The following SNX29 variants were observed in gnomAD, a reference collection of about 807,000 sequenced individuals.
SNX29 encodes sorting nexin-29.
A neutral mutation model predicts 102.1 loss-of-function variants in SNX29; 78 were observed. That is an observed-to-expected ratio of 0.76 (90% CI 0.64 to 0.92). The LOEUF (loss-of-function observed/expected upper bound fraction) is 0.92. Ranked by LOEUF, SNX29 falls within the 40% of genes least tolerant of loss-of-function variation. SNX29 has a pLI of 0.00. For synonymous variants in SNX29, 580 were observed against 414.5 expected (o/e 1.40, Z -4.85); for missense variants, 1,280 against 1,061.7 (o/e 1.21, Z -2.86).
chr16:12,534,273 C>G (rs1187325306), intron 20 of SNX29, among the ~76,000 whole-genome samples: 1 of 152,234 alleles, frequency 6.6e-6, no homozygotes, highest in African/African-American at 2.4e-5. Context: ...CGCCGGCACA[C>G]CTGCCGTCTT....
rs778760789 is a variant in SNX29 at position 12,568,497 on chromosome 16, C to G, written c.2319-9C>G. On this transcript the variant is annotated splice_polypyrimidine_tract_variant and intron_variant, in intron 20 of 20. Transcript: ENST00000566228. ...CAGACTTAACCCGATTCTCTCCCTG[C>G]TCTTTCAGCGACATCACCCCGCCCG... 2 of 1,609,434 alleles carry G rather than the reference C, an allele frequency of 1.2e-6. No individual in the cohort carries two copies. The highest frequency in any genetic ancestry group is 3.3e-5 in the Admixed American group (2 of 60,010).
intron 15 of SNX29, among the ~76,000 whole-genome samples, chr16:12,287,821 C>T (rs2079648151): frequency 6.6e-6 from 1 of 152,208 alleles, no homozygotes. Flanking sequence ...CTCCCTGCCT[C>T]TCCCTTTCTT....
intron 7 of SNX29, among the ~76,000 whole-genome samples, chr16:12,048,845 A>C (rs1187871641): frequency 6.6e-6 from 1 of 152,174 alleles, no homozygotes; most frequent in African/African-American, 2.4e-5. Context: ...GCTCAACCAT[A>C]GCAAACGGAA....
At chr16:12,060,787 C>G (rs761330343) in intron 8 of SNX29, 5 of 456,194 alleles carry the variant, frequency 1.1e-5, no homozygotes, top group South Asian at 6.2e-5. Flanking sequence ...ACAAACCCAA[C>G]CACACTGCCT....
intron 11 of SNX29, among the ~76,000 whole-genome samples, chr16:12,116,773 A>G (rs1596948972): frequency 6.6e-6 from 1 of 152,342 alleles, no homozygotes; most frequent in East Asian, 1.9e-4. Context: ...AACCGTGGAA[A>G]CAGGCTTAGT....
At chr16:12,334,889 C>T (rs1412234862) in intron 15 of SNX29, among the ~76,000 whole-genome samples, 1 of 131,754 alleles carries the variant, frequency 7.6e-6, no homozygotes, top group Non-Finnish European at 1.6e-5. Context: ...TTTAAGTTAT[C>T]AGCCCCAGAG....
rs554767867 is a variant in SNX29, at chr16:12,390,240, C to G, written c.1900-8206C>G. Among the ~76,000 whole-genome samples, 7 of 152,128 alleles carry G rather than the reference C, an allele frequency of 4.6e-5. No individual in the cohort carries two copies. In the East Asian group the frequency reaches 1.4e-3, roughly 29 times the overall value. On this transcript the variant is annotated intron_variant, in intron 16 of 20. Transcript: ENST00000566228. ...TGGCAGTTTGCCTCTTGCCTCCCAT[C>G]TCTGCTCTGCAGCCAGAGTGACTGA...
At chr16:12,168,416 G>C (rs560710911) in intron 13 of SNX29, among the ~76,000 whole-genome samples, 5 of 152,344 alleles carry the variant, frequency 3.3e-5, no homozygotes, top group African/African-American at 1.2e-4. Flanking sequence ...ATGGCAAGCT[G>C]AATGGTTGCT....
At position 12,519,218 on chromosome 16, in the gene SNX29, TCA is replaced by T. The variant is rs559282570; in HGVS notation, c.2179-5481_2179-5480del. On this transcript the variant is annotated intron_variant, in intron 19 of 20. Transcript: ENST00000566228. ...AGGCCATACAAAACATACCTGTGGGTCACAGTTAGTCTGTGGACCTCCGTGAA... is the reference window on the plus strand; with the variant it reads ...AGGCCATACAAAACATACCTGTGGGTCAGTTAGTCTGTGGACCTCCGTGAA... Among the ~76,000 whole-genome samples, 97 of 152,238 alleles carry T rather than the reference TCA, an allele frequency of 6.4e-4. 2 individuals are homozygous for T. The South Asian group carries it at 0.02, about 31-fold the overall frequency.
intron 15 of SNX29, among the ~76,000 whole-genome samples, chr16:12,292,982 T>C (rs2151069484): frequency 6.6e-6 from 1 of 152,364 alleles, no homozygotes; most frequent in East Asian, 1.9e-4. Flanking sequence ...AGTAGTTCAC[T>C]CTTATTAATG....
chr16:12,356,297 C>A lies in SNX29; in HGVS notation c.1899+18C>A, dbSNP rs148276577. ...GGGGACCGGTGAGTGTTTCCCCAACCCTGTGTGTCTGTCAAGCCTCTGCTG... is the reference window on the plus strand; with the variant it reads ...GGGGACCGGTGAGTGTTTCCCCAACACTGTGTGTCTGTCAAGCCTCTGCTG... On this transcript the variant is annotated intron_variant, in intron 16 of 20. Coordinates refer to ENST00000566228, the MANE Select transcript of SNX29 (RefSeq NM_032167.5). 2.6e-5 allele frequency: 41 copies of A among 1,576,476 alleles called. No homozygotes were observed. The highest frequency in any genetic ancestry group is 2.6e-6 in the Non-Finnish European group (3 of 1,160,838).
At chr16:12,540,022 T>A (rs551867640) in intron 20 of SNX29, among the ~76,000 whole-genome samples, 1 of 152,240 alleles carries the variant, frequency 6.6e-6, no homozygotes, top group Non-Finnish European at 1.5e-5. Context: ...ATGACACCTT[T>A]TTAATTTTGA....
At chr16:12,477,689 G>T in intron 18 of SNX29, 30 bp from the exon 19 acceptor site, 4 of 1,603,138 alleles carry the variant, frequency 2.5e-6, no homozygotes, top group Non-Finnish European at 3.4e-6. Flanking sequence ...AAGGGTTTAA[G>T]AGGAATTCAC....
intron 20 of SNX29, among the ~76,000 whole-genome samples, chr16:12,529,528 T>A (rs1179122902): frequency 2.6e-5 from 4 of 152,108 alleles, no homozygotes; most frequent in African/African-American, 9.7e-5. Flanking sequence ...TTCTGCAGAG[T>A]AATTTAACTT....
chr16:12,135,213 T>A (rs528324903), intron 13 of SNX29, among the ~76,000 whole-genome samples: 114 of 152,212 alleles, frequency 7.5e-4, no homozygotes, highest in Middle Eastern at 3.2e-3. Flanking sequence ...TCCAGAAACA[T>A]CATCACAGGC....
chr16:12,540,414 C>T (rs1173192656), intron 20 of SNX29, among the ~76,000 whole-genome samples: 2 of 152,206 alleles, frequency 1.3e-5, no homozygotes, highest in African/African-American at 2.4e-5. Context: ...CTAAAAACTA[C>T]AGATTTATTC....
chr16:12,559,449 C>T lies in SNX29; in HGVS notation c.2319-9057C>T, dbSNP rs181630898. On this transcript the variant is annotated intron_variant, in intron 20 of 20. Coordinates refer to ENST00000566228, the MANE Select transcript of SNX29 (RefSeq NM_032167.5). ...AACAAGCTCAGGGCTCCCAATGATTCTACATTATGGTGAGTTGTGTAATTT... is the reference window on the plus strand; with the variant it reads ...AACAAGCTCAGGGCTCCCAATGATTTTACATTATGGTGAGTTGTGTAATTT... 6.6e-5 allele frequency among the ~76,000 whole-genome samples: 10 copies of T among 151,578 alleles called. No homozygotes were observed. In the East Asian group the frequency reaches 1.2e-3, roughly 18 times the overall value.
intron 3 of SNX29, among the ~76,000 whole-genome samples, chr16:12,015,203 G>T (rs2056805304): frequency 6.6e-6 from 1 of 151,258 alleles, no homozygotes; most frequent in African/African-American, 2.4e-5. Flanking sequence ...TTTTTATCTT[G>T]GTACTCCTGC....
At chr16:12,147,416 G>T (rs1228823104) in intron 13 of SNX29, among the ~76,000 whole-genome samples, 2 of 152,164 alleles carry the variant, frequency 1.3e-5, no homozygotes, top group African/African-American at 4.8e-5. Flanking sequence ...CACCGGGGAG[G>T]GAAATGCTTT....
Sources: allele counts gnomAD v4.1 joint callset (sites outside exome capture counted in the v4.1 genomes callset), GRCh38; gene constraint gnomAD v4.1.1; transcripts MANE v1.5; gene names NCBI Gene and HGNC (gene_info 2026-07-23, HGNC 2026-07-21).